Variants in PC observed in about 807,000 individuals in gnomAD.
The protein encoded by PC is pyruvate carboxylase, mitochondrial.
In PC, 46 loss-of-function variants were observed where a neutral mutation model predicts 107.8. That is an observed-to-expected ratio of 0.43 (90% CI 0.34 to 0.55). PC has a LOEUF of 0.55. Ranked by LOEUF, PC falls within the 20% of genes least tolerant of loss-of-function variation. The probability of loss-of-function intolerance (pLI) is 0.04; values close to 1 mark genes in which losing one functional copy is unlikely to be tolerated. For synonymous variants in PC, 662 were observed against 684.7 expected, an observed-to-expected ratio of 0.97 and a Z score of 0.52; for missense variants, 1,241 against 1,643.1, an observed-to-expected ratio of 0.76 and a Z score of 4.23.
chr11:66,861,926 G>A (rs1946280236), intron 12 of PC, among the ~76,000 whole-genome samples: 1 of 152,154 alleles, frequency 6.6e-6, no homozygotes, highest in South Asian at 2.1e-4. Flanking sequence ...TGCACCCCTA[G>A]CAGGCGCAAG....
intron 3 of PC, among the ~76,000 whole-genome samples, chr11:66,895,205 G>T (rs574190666): frequency 6.6e-6 from 1 of 152,074 alleles, no homozygotes; most frequent in Non-Finnish European, 1.5e-5. Flanking sequence ...AAAAATGGGG[G>T]TGGCAGGTTA....
intron 3 of PC, among the ~76,000 whole-genome samples, chr11:66,892,596 C>T (rs1947617085): frequency 6.6e-6 from 1 of 152,164 alleles, no homozygotes; most frequent in African/African-American, 2.4e-5. Context: ...CCTGTAGTCC[C>T]AGCACTTTGG....
intron 3 of PC, among the ~76,000 whole-genome samples, chr11:66,897,671 C>T (rs1034321083): frequency 3.9e-5 from 6 of 152,196 alleles, no homozygotes; most frequent in South Asian, 2.1e-4. Flanking sequence ...AAGCCTTCCC[C>T]GGTTCCCAAC....
rs184489566 is a variant in PC at position 66,852,932 on chromosome 11, C to T, written c.1514-96G>A. 8.3e-6 allele frequency: 8 copies of T among 958,470 alleles called. No homozygotes were observed. The East Asian group carries it at 1.8e-4, about 21-fold the overall frequency. The allele number at this position is 958,470 out of a possible 1,614,324, so 59.4% of individuals were successfully genotyped here. ...GCTGGGCTCAGGGACAGGGACACAT[C>T]CCTCCAGGATCCCCGGGCTTCCAGC... On this transcript the variant is annotated intron_variant, in intron 13 of 22. Coordinates refer to ENST00000393960, the MANE Select transcript of PC (RefSeq NM_001040716.2). This position sits in a 1 kb window ranked among gnomAD's most constrained non-coding sequence, Gnocchi z 4.7.
chr11:66,885,789 T>G (rs1049163496), intron 3 of PC, among the ~76,000 whole-genome samples: 1 of 152,146 alleles, frequency 6.6e-6, no homozygotes, highest in Non-Finnish European at 1.5e-5. Flanking sequence ...CACCTTGAAT[T>G]GGGGTTTCTG....
At chr11:66,892,155 T>A (rs1947599509) in intron 3 of PC, among the ~76,000 whole-genome samples, 1 of 151,898 alleles carries the variant, frequency 6.6e-6, no homozygotes, top group African/African-American at 2.4e-5. Flanking sequence ...AGGATGAGAA[T>A]AAAAGGTGGG....
At chr11:66,944,045 C>T (rs7103428) in intron 3 of PC, among the ~76,000 whole-genome samples, 1 of 111,718 alleles carries the variant, frequency 9.0e-6, no homozygotes, top group African/African-American at 3.3e-5. Flanking sequence ...ACTTTGGGAG[C>T]CCGAGGCGGG....
At chr11:66,856,490 C>T (rs1945840569) in intron 12 of PC, among the ~76,000 whole-genome samples, 1 of 152,038 alleles carries the variant, frequency 6.6e-6, no homozygotes, top group Non-Finnish European at 1.5e-5. Context: ...CTGCCAGGGG[C>T]GCCGCCCCAG....
intron 3 of PC, among the ~76,000 whole-genome samples, chr11:66,925,774 T>C (rs534491891): frequency 1.3e-4 from 20 of 152,268 alleles, no homozygotes; most frequent in Admixed American, 4.6e-4. Context: ...TGTTCAGAGA[T>C]TGCAGTAAAG....
intron 3 of PC, among the ~76,000 whole-genome samples, chr11:66,900,304 A>G (rs1035065215): frequency 6.7e-6 from 1 of 150,108 alleles, no homozygotes; most frequent in Non-Finnish European, 1.5e-5. Context: ...CCTCCCAACT[A>G]GCTGGGACTA....
At chr11:66,872,288 G>T in intron 3 of PC, 129 bp from the exon 4 acceptor site, 1 of 1,096,144 alleles carries the variant, frequency 9.1e-7, no homozygotes, top group Non-Finnish European at 1.3e-6. Context: ...CCTGATGCCT[G>T]GCCAAGCCCA....
In PC at chr11:66,866,017, C is replaced by T. The variant is rs569185274; in HGVS notation, c.1185+170G>A. ...CAGTCTCTTCCCCTGGGAGGCGCCG[C>T]CCCTCCTCTGGGCACTGCCTGCCTC... On this transcript the variant is annotated intron_variant, in intron 11 of 22. Transcript: ENST00000393960. The surrounding 1 kb of genome is among the most constrained non-coding windows in gnomAD (Gnocchi z 5.4). Among the ~76,000 whole-genome samples, 1 of 152,362 alleles carries T rather than the reference C, an allele frequency of 6.6e-6. No homozygotes were observed. The highest frequency in any genetic ancestry group is 1.5e-5 in the Non-Finnish European group (1 of 68,034).
rs1374921955 is a variant in PC at position 66,945,360 on chromosome 11, T to A, written c.-1+7070A>T. ...TTGTATTTAGTTCCACCTATTTTTG[T>A]GGCCATACTGCATAACAAAAAGGAA... On this transcript the variant is annotated intron_variant, in intron 3 of 22. Transcript: ENST00000393960. 2.0e-5 allele frequency among the ~76,000 whole-genome samples: 2 copies of A among 99,964 alleles called. 1 individual carries two copies. Among genetic ancestry groups the A allele is most frequent in the Non-Finnish European group, 4.2e-5 (2 of 47,398 alleles). The allele number at this position is 99,964 out of a possible 152,430, so 65.6% of individuals were successfully genotyped here.
In PC at chr11:66,850,041, C is replaced by A. The variant is rs767040113; in HGVS notation, c.2794G>T (p.Glu932Ter). 1 of 1,613,710 alleles carries A rather than the reference C, an allele frequency of 6.2e-7. No homozygotes were observed. Among genetic ancestry groups the A allele is most frequent in the Non-Finnish European group, 8.5e-7 (1 of 1,180,036 alleles). ...AAGGACAGCTCTTCCGCCTGAGCTT[C>A]GGCCTCTGCCCGGCTCAATCCATTC... Reference protein sequence around the residue: ...VQNGLSRAEAEAQAEELSFPR... With the variant: ...VQNGLSRAEA Residue 932 changes from glutamate (E) to a stop codon, truncating the protein, a stop_gained, in exon 20 of 23, where the codon GAA becomes TAA. Transcript: ENST00000393960. LOFTEE classifies it high-confidence loss of function.
Position 66,849,951 on chromosome 11 carries a change from G to A in PC, c.2884C>T (p.Pro962Ser), listed in dbSNP as rs1338777073. ...GCCTTCCCTACCTTAGAGCGAAAGG[G>A]TTCGGGGAACCCCCCATGGGGGACA... is the stretch of plus-strand genomic sequence containing the variant. ...IGVPHGGFPE[P>S]FRSKVLKDLP... The change falls in exon 20 of 23, where the codon CCC becomes TCC. Residue 962 changes from proline (P) to serine (S), a missense_variant. Around this residue, in one of 2 missense-constraint regions of PC, gnomAD observed 1,143 missense variants for 1,551.9 expected, o/e 0.74. Transcript: ENST00000393960. 6.2e-7 allele frequency: 1 copy of A among 1,613,564 alleles called. No individual in the cohort carries two copies. The highest frequency in any genetic ancestry group is 8.5e-7 in the Non-Finnish European group (1 of 1,180,026).
chr11:66,860,323 G>A, intron 12 of PC: 1 of 1,323,842 alleles, frequency 7.6e-7, no homozygotes, highest in Non-Finnish European at 1.0e-6. Flanking sequence ...CTGTGTACTT[G>A]GAGGGGCAGG....
At position 66,857,241 on chromosome 11, in the gene PC, G is replaced by GGGCCGGCCGGGCTCGCAGGGA; in HGVS notation, c.1369-3879_1369-3859dup. 1 of 148,744 alleles carries GGGCCGGCCGGGCTCGCAGGGA rather than the reference G, an allele frequency of 6.7e-6. No individual in the cohort carries two copies. Among genetic ancestry groups the GGGCCGGCCGGGCTCGCAGGGA allele is most frequent in the African/African-American group, 2.4e-5 (1 of 40,962 alleles). The allele number at this position is 148,744 out of a possible 1,614,324, so 9.2% of individuals were successfully genotyped here. ...CGGGAGAGCGGCCAGGAGTCGGCGG[G>GGGCCGGCCGGGCTCGCAGGGA]GGCCGGCCGGGCTCGCAGGGAGGCC... On this transcript the variant is annotated intron_variant, in intron 12 of 22. Transcript: ENST00000393960. This position sits in a 1 kb window ranked among gnomAD's most constrained non-coding sequence, Gnocchi z 7.1.
chr11:66,910,343 G>A (rs1469619405), intron 3 of PC, among the ~76,000 whole-genome samples: 1 of 152,118 alleles, frequency 6.6e-6, no homozygotes, highest in Non-Finnish European at 1.5e-5. Context: ...AGCTCCTTGT[G>A]CCATCAGGGC....
chr11:66,849,067 G>A lies in PC; in HGVS notation c.3369C>T (p.Ile1123=), dbSNP rs1945312492. 1.9e-6 allele frequency: 3 copies of A among 1,614,106 alleles called. No individual in the cohort carries two copies. Among genetic ancestry groups the A allele is most frequent in the Non-Finnish European group, 1.7e-6 (2 of 1,180,042 alleles). ...CCACCTTGGCCCCTGCCACCACTTT[G>A]ATGTCTATCACCTTCCCAGGCATGG... The part of the protein sequence containing the change: ...GAPMPGKVID[I]KVVAGAKVAK... Residue 1123 remains isoleucine (I), a synonymous_variant, in exon 23 of 23, where the codon ATC becomes ATT. Transcript: ENST00000393960.
Sources: gnomAD v4.1 joint callset for allele counts (sites outside exome capture counted in the v4.1 genomes callset) on GRCh38, gnomAD v4.1.1 for gene constraint, gnomAD v4.1.1 regional missense constraint, Gnocchi (gnomAD v3.1) non-coding constraint, MANE v1.5 for transcripts, NCBI Gene and HGNC (gene_info 2026-07-23, HGNC 2026-07-21) for gene names.